Variants in RAB27B observed in about 807,000 individuals in gnomAD.
RAB27B encodes ras-related protein Rab-27B.
In RAB27B, 15 loss-of-function variants were observed where a neutral mutation model predicts 24.6. The observed-to-expected ratio is 0.61, with a 90% CI of 0.41 to 0.94. RAB27B has a LOEUF of 0.94. RAB27B is among the 40% of genes least tolerant of loss of function. The probability of loss-of-function intolerance (pLI) is 0.00; values close to 1 mark genes in which losing one functional copy is unlikely to be tolerated. For missense variants in RAB27B, 261 were observed against 266.8 expected, an observed-to-expected ratio of 0.98 and a Z score of 0.15; for synonymous variants, 105 against 92.5, an observed-to-expected ratio of 1.14 and a Z score of -0.78.
intron 2 of RAB27B, among the ~76,000 whole-genome samples, chr18:54,823,217 C>G (rs1273371995): frequency 1.3e-5 from 2 of 152,198 alleles, no homozygotes; most frequent in South Asian, 2.1e-4. Context: ...GCCTGGAAGT[C>G]CAGTCTTATG....
At chr18:54,882,114 AT>A (rs1437238965) in intron 3 of RAB27B, among the ~76,000 whole-genome samples, 1 of 152,132 alleles carries the variant, frequency 6.6e-6, no homozygotes, top group Non-Finnish European at 1.5e-5. Flanking sequence ...AATTGAATAA[AT>A]TTTTTTGGTA....
At chr18:54,794,787 C>T (rs1909362166) in intron 2 of RAB27B, among the ~76,000 whole-genome samples, 2 of 152,216 alleles carry the variant, frequency 1.3e-5, no homozygotes, top group South Asian at 4.1e-4. Flanking sequence ...GGGCTCCCCC[C>T]AACCCCCAAT....
At chr18:54,874,315 T>C (rs1912603297) in intron 1 of RAB27B, among the ~76,000 whole-genome samples, 1 of 152,206 alleles carries the variant, frequency 6.6e-6, no homozygotes, top group Non-Finnish European at 1.5e-5. Context: ...TTTGTTTGAA[T>C]TGAAAACACA....
At chr18:54,873,189 G>A (rs9807202) in intron 1 of RAB27B, among the ~76,000 whole-genome samples, 99,405 of 152,020 alleles carry the variant, frequency 0.65, 34,357 homozygotes, top group East Asian at 0.81. Flanking sequence ...AAAACTGAGG[G>A]GCTAGACCAC....
At chr18:54,752,915 G>T (rs1039208165) in intron 2 of RAB27B, among the ~76,000 whole-genome samples, 1 of 152,246 alleles carries the variant, frequency 6.6e-6, no homozygotes, top group African/African-American at 2.4e-5. Flanking sequence ...AAGGAGGTGA[G>T]ATCTGTAGCA....
At chr18:54,841,168 G>GGT (rs1568090953) in intron 1 of RAB27B, among the ~76,000 whole-genome samples, 3 of 20,400 alleles carry the variant, frequency 1.5e-4, no homozygotes, top group Non-Finnish European at 3.3e-4. Context: ...GCGGTGGGGG[G>GGT]TTTGGTGAGA....
intron 2 of RAB27B, among the ~76,000 whole-genome samples, chr18:54,804,449 G>A (rs947922465): frequency 6.6e-6 from 1 of 152,166 alleles, no homozygotes; most frequent in Admixed American, 6.5e-5. Flanking sequence ...CACCAAGTTA[G>A]AAGTGCCTTT....
At chr18:54,759,098 C>T (rs1908101039) in intron 2 of RAB27B, among the ~76,000 whole-genome samples, 2 of 152,250 alleles carry the variant, frequency 1.3e-5, no homozygotes, top group Middle Eastern at 3.4e-3. Context: ...TCAATAAGCA[C>T]ATGTTGAATC....
At position 54,835,613 on chromosome 18, in the gene RAB27B, C is replaced by T. The variant is rs9964394; in HGVS notation, c.-20+6913C>T. Reference sequence around the variant, plus strand: ...ACGAAAATATTCTCATATTTATAACCGAGGGTTAAAACGTAATAAAACAGA... The same window carrying T: ...ACGAAAATATTCTCATATTTATAACTGAGGGTTAAAACGTAATAAAACAGA... On this transcript the variant is annotated intron_variant, in intron 1 of 5. Transcript: ENST00000262094. 7.7e-3 allele frequency among the ~76,000 whole-genome samples: 1,174 copies of T among 151,904 alleles called. 25 individuals carry two copies. Among genetic ancestry groups the T allele is most frequent in the African/African-American group, 0.024 (1,011 of 41,278 alleles).
At chr18:54,809,309 T>C (rs562017112) in intron 2 of RAB27B, among the ~76,000 whole-genome samples, 1 of 152,268 alleles carries the variant, frequency 6.6e-6, no homozygotes, top group African/African-American at 2.4e-5. Context: ...GTCGATCTGG[T>C]TGCTTCTGAA....
chr18:54,850,364 A>ATATATATATATC (rs1911530359), intron 1 of RAB27B, among the ~76,000 whole-genome samples: 1 of 143,488 alleles, frequency 7.0e-6, no homozygotes, highest in Admixed American at 7.1e-5. Flanking sequence ...ATATATACAT[A>ATATATATATATC]CATACATATG....
Position 54,859,990 on chromosome 18 carries a change from A to T in RAB27B, c.-19-17577A>T, listed in dbSNP as rs1006650607. Among the ~76,000 whole-genome samples the T allele has an allele frequency of 1.2e-3, 181 of 152,258 alleles. 2 individuals carry two copies. Among genetic ancestry groups the T allele is most frequent in the African/African-American group, 4.3e-3 (177 of 41,540 alleles). ...GCCTTTCCCTTGGGATTTCTATACC[A>T]CCTTTGTTCTGATGAAGTTGGTGAC... On this transcript the variant is annotated intron_variant, in intron 1 of 5. Coordinates refer to ENST00000262094, the MANE Select transcript of RAB27B (RefSeq NM_004163.4).
In RAB27B at chr18:54,796,403, TGC is replaced by T. The variant is rs1340232343; in HGVS notation, c.-20+78263_-20+78264del. 1.4e-4 allele frequency among the ~76,000 whole-genome samples: 22 copies of T among 152,342 alleles called. No individual in the cohort carries two copies. In the East Asian group the frequency reaches 4.2e-3, roughly 29 times the overall value. ...GACAGCTGTCTGTATCCTGAGTGTT[TGC>T]CCAGTGTACCAGAAAAATCGGATCA... On this transcript the variant is annotated intron_variant, in intron 2 of 4. Transcript: ENST00000586570.
intron 3 of RAB27B, chr18:54,879,690 T>C (rs1912844189): frequency 2.2e-6 from 1 of 462,516 alleles, no homozygotes; most frequent in Non-Finnish European, 3.9e-6. Context: ...TGAAGATTCT[T>C]GCTATGCACT....
chr18:54,733,650 G>GAC (rs1909794792), intron 2 of RAB27B, among the ~76,000 whole-genome samples: 1 of 92,240 alleles, frequency 1.1e-5, no homozygotes, highest in Non-Finnish European at 2.3e-5. Context: ...CTGTTCTAGA[G>GAC]CCCCCCCCCC....
chr18:54,786,518 C>A (rs1324420665), intron 2 of RAB27B, among the ~76,000 whole-genome samples: 1 of 152,166 alleles, frequency 6.6e-6, no homozygotes, highest in East Asian at 1.9e-4. Flanking sequence ...ATGGAAATCC[C>A]AAGATGCATG....
At chr18:54,821,275 T>C (rs1249245330) in intron 2 of RAB27B, among the ~76,000 whole-genome samples, 1 of 152,148 alleles carries the variant, frequency 6.6e-6, no homozygotes, top group East Asian at 1.9e-4. Flanking sequence ...ATGAGTGAAC[T>C]CCCATTCACA....
intron 2 of RAB27B, among the ~76,000 whole-genome samples, chr18:54,763,655 G>A (rs1908267654): frequency 6.6e-6 from 1 of 152,160 alleles, no homozygotes; most frequent in Non-Finnish European, 1.5e-5. Flanking sequence ...CTGTTCGAAG[G>A]AGAGAGAAAC....
intron 2 of RAB27B, among the ~76,000 whole-genome samples, chr18:54,726,701 T>C (rs753616338): frequency 1.4e-4 from 21 of 151,778 alleles, no homozygotes; most frequent in Admixed American, 1.1e-3. Context: ...GTAAAACATA[T>C]TATGATTTAT....
Sources: gnomAD v4.1 joint callset for allele counts (sites outside exome capture counted in the v4.1 genomes callset) on GRCh38, gnomAD v4.1.1 for gene constraint, MANE v1.5 for transcripts, NCBI Gene and HGNC (gene_info 2026-07-23, HGNC 2026-07-21) for gene names.